GLCCI1: variants seen among roughly 807,000 people sequenced by gnomAD.
The protein encoded by GLCCI1 is glucocorticoid-induced transcript 1 protein.
Under a neutral mutation model 52.2 loss-of-function variants are expected in GLCCI1, and 24 were observed. The observed-to-expected ratio is 0.46, with a 90% CI of 0.33 to 0.65. GLCCI1 has a LOEUF of 0.65. Ranked by LOEUF, GLCCI1 falls within the 30% of genes least tolerant of loss-of-function variation. GLCCI1 has a pLI of 0.02. For missense variants in GLCCI1, 704 were observed against 701.5 expected (o/e 1.00, Z -0.04); for synonymous variants, 310 against 276.5 (o/e 1.12, Z -1.20).
intron 1 of GLCCI1, among the ~76,000 whole-genome samples, chr7:7,986,385 G>A (rs35406704): frequency 4.0e-5 from 6 of 151,756 alleles, no homozygotes; most frequent in South Asian, 2.1e-4. Context: ...AGGGGGAGGG[G>A]GGGGTGGCAG....
chr7:7,996,792 G>A (rs1226162064), intron 1 of GLCCI1, among the ~76,000 whole-genome samples: 3 of 152,110 alleles, frequency 2.0e-5, no homozygotes, highest in Non-Finnish European at 4.4e-5. Context: ...GATTCTGCAG[G>A]GCAGCCATAT....
chr7:8,003,028 G>C (rs1292926744), intron 1 of GLCCI1, among the ~76,000 whole-genome samples: 1 of 152,184 alleles, frequency 6.6e-6, no homozygotes, highest in African/African-American at 2.4e-5. Context: ...TGTGAATGAG[G>C]AAGTTGAATT....
chr7:8,030,172 G>A (rs1426113575), intron 3 of GLCCI1, among the ~76,000 whole-genome samples: 1 of 152,144 alleles, frequency 6.6e-6, no homozygotes, highest in Non-Finnish European at 1.5e-5. Flanking sequence ...AACCAAAACA[G>A]CATGGCACTG....
At chr7:8,001,317 T>C (rs578010204) in intron 1 of GLCCI1, among the ~76,000 whole-genome samples, 6 of 152,328 alleles carry the variant, frequency 3.9e-5, no homozygotes, top group Admixed American at 3.3e-4. Flanking sequence ...TGGCTGGATA[T>C]GAAATTCTGG....
At chr7:7,970,023 T>C in intron 1 of GLCCI1, 2 of 419,810 alleles carry the variant, frequency 4.8e-6, no homozygotes, top group Non-Finnish European at 3.5e-6. Context: ...TCAGAGTCTC[T>C]CTTCCATCAC....
At chr7:8,052,717 G>T (rs1782286147) in intron 3 of GLCCI1, among the ~76,000 whole-genome samples, 1 of 152,228 alleles carries the variant, frequency 6.6e-6, no homozygotes, top group Admixed American at 6.5e-5. Context: ...TCGCGGTGCA[G>T]TGGTACCTGT....
chr7:8,009,638 C>A (rs1344501456), intron 2 of GLCCI1, among the ~76,000 whole-genome samples: 1 of 152,158 alleles, frequency 6.6e-6, no homozygotes, highest in Non-Finnish European at 1.5e-5. Flanking sequence ...CCTACTCTGT[C>A]CATCTGGGTC....
At chr7:7,994,692 G>C (rs534472233) in intron 1 of GLCCI1, among the ~76,000 whole-genome samples, 1 of 152,226 alleles carries the variant, frequency 6.6e-6, no homozygotes, top group East Asian at 1.9e-4. Context: ...GGACATTCAA[G>C]TGTAGCACCT....
intron 2 of GLCCI1, among the ~76,000 whole-genome samples, chr7:8,016,423 C>T (rs576265802): frequency 3.0e-4 from 45 of 152,036 alleles, no homozygotes; most frequent in South Asian, 1.0e-3. Flanking sequence ...GAGCCGAGAT[C>T]GCACCACTGC....
chr7:7,996,824 A>G (rs1780947579), intron 1 of GLCCI1, among the ~76,000 whole-genome samples: 2 of 152,170 alleles, frequency 1.3e-5, no homozygotes, highest in East Asian at 1.9e-4. Context: ...CATGTTTTCT[A>G]GATTGCTTCT....
At chr7:8,040,140 C>A in intron 3 of GLCCI1, among the ~76,000 whole-genome samples, 1 of 151,678 alleles carries the variant, frequency 6.6e-6, no homozygotes, top group Non-Finnish European at 1.5e-5. Flanking sequence ...GGCAGATGAC[C>A]ACATGAAAAG....
At chr7:8,074,228 A>C (rs191731517) in intron 6 of GLCCI1, among the ~76,000 whole-genome samples, 280 of 132,642 alleles carry the variant, frequency 2.1e-3, no homozygotes, top group Non-Finnish European at 3.5e-3. Context: ...GTAAACAAAT[A>C]ATACACTATT....
chr7:8,033,192 A>G (rs1354841229), intron 3 of GLCCI1, among the ~76,000 whole-genome samples: 2 of 151,850 alleles, frequency 1.3e-5, no homozygotes, highest in African/African-American at 4.8e-5. Context: ...ACATTTGACA[A>G]TATTCAACAG....
chr7:8,044,371 T>G (rs2127955683), intron 3 of GLCCI1, among the ~76,000 whole-genome samples: 1 of 151,720 alleles, frequency 6.6e-6, no homozygotes, highest in African/African-American at 2.4e-5. Context: ...TTTGTACTTT[T>G]TTTTTTTTTT....
At position 8,057,886 on chromosome 7, in the gene GLCCI1, T is replaced by G. The variant is rs151181631; in HGVS notation, c.814-2210T>G. Among the ~76,000 whole-genome samples, 131 of 152,256 alleles carry G rather than the reference T, an allele frequency of 8.6e-4. 1 individual carries two copies. Among genetic ancestry groups the G allele is most frequent in the African/African-American group, 2.9e-3 (121 of 41,566 alleles). On this transcript the variant is annotated intron_variant, in intron 4 of 7. Coordinates refer to ENST00000223145, the MANE Select transcript of GLCCI1 (RefSeq NM_138426.4). ...ACCATGTGGTTATTCTTAAAAATTATTATCCTTTGCTATACATACTGGAAT... is the reference window on the plus strand; with the variant it reads ...ACCATGTGGTTATTCTTAAAAATTAGTATCCTTTGCTATACATACTGGAAT...
intron 6 of GLCCI1, 101 bp from the exon 7 acceptor site, chr7:8,084,795 TA>T: frequency 8.8e-7 from 1 of 1,131,428 alleles, no homozygotes; most frequent in Non-Finnish European, 1.3e-6. Context: ...GGTCAAAGCA[TA>T]GGGGCAGTAG....
At chr7:8,061,338 G>T (rs549157655) in intron 5 of GLCCI1, among the ~76,000 whole-genome samples, 1 of 152,120 alleles carries the variant, frequency 6.6e-6, no homozygotes, top group Admixed American at 6.5e-5. Context: ...CTGACCTCGT[G>T]ATCCGTCCAC....
At chr7:7,980,910 A>G (rs1016496784) in intron 1 of GLCCI1, 1 of 615,658 alleles carries the variant, frequency 1.6e-6, no homozygotes, top group Non-Finnish European at 3.0e-6. Context: ...TTCCTGATTT[A>G]TTAATCCCTG....
chr7:8,043,775 G>A (rs1782056148), intron 3 of GLCCI1, among the ~76,000 whole-genome samples: 3 of 152,144 alleles, frequency 2.0e-5, no homozygotes, highest in Non-Finnish European at 4.4e-5. Flanking sequence ...AAAGACTAAT[G>A]TGATTTTCAT....
Sources: gnomAD v4.1 joint callset for allele counts (sites outside exome capture counted in the v4.1 genomes callset) on GRCh38, gnomAD v4.1.1 for gene constraint, MANE v1.5 for transcripts, NCBI Gene and HGNC (gene_info 2026-07-23, HGNC 2026-07-21) for gene names.